MARCHF1: variants seen among roughly 807,000 people sequenced by gnomAD.
MARCHF1 encodes the protein membrane associated ring-CH-type finger 1, also known as E3 ubiquitin-protein ligase MARCHF1.
Under a neutral mutation model 54.2 loss-of-function variants are expected in MARCHF1, and 40 were observed. The observed-to-expected ratio is 0.74, with a 90% CI of 0.57 to 0.96. MARCHF1 has a LOEUF of 0.96. Among genes scored for constraint, MARCHF1 ranks in the 40% least tolerant of loss-of-function variants. MARCHF1 has a pLI of 0.00. For synonymous variants in MARCHF1, 236 were observed against 236.3 expected (o/e 1.00, Z 0.01); for missense variants, 586 against 656.5 (o/e 0.89, Z 1.17).
chr4:164,335,648 G>A (rs913371624), intron 1 of MARCHF1, among the ~76,000 whole-genome samples: 4 of 151,540 alleles, frequency 2.6e-5, no homozygotes, highest in South Asian at 2.1e-4. Flanking sequence ...CACCCTGATC[G>A]GTCAGCAGCC....
chr4:163,536,652 AG>A (rs1317606276), intron 9 of MARCHF1, among the ~76,000 whole-genome samples: 1 of 152,156 alleles, frequency 6.6e-6, no homozygotes, highest in African/African-American at 2.4e-5. Context: ...CTGTCAGTAA[AG>A]CTATGCTTTA....
chr4:163,635,320 GA>G (rs1469225477), intron 5 of MARCHF1, among the ~76,000 whole-genome samples: 2 of 148,926 alleles, frequency 1.3e-5, no homozygotes. Flanking sequence ...CTGGTTTTTT[GA>G]AAGGATCAAC....
chr4:164,189,676 A>G (rs111254957), intron 1 of MARCHF1: 12,387 of 961,966 alleles, frequency 0.013, 183 homozygotes, highest in East Asian at 0.055. Context: ...TGTCATGATC[A>G]AACTGATTCC....
At chr4:164,076,822 C>T (rs77535789) in intron 2 of MARCHF1, among the ~76,000 whole-genome samples, 3 of 152,162 alleles carry the variant, frequency 2.0e-5, no homozygotes, top group African/African-American at 7.2e-5. Flanking sequence ...ATACAACTTA[C>T]AGGGTATGTG....
At chr4:163,930,013 T>TTATATATAATA (rs1751636452) in intron 3 of MARCHF1, among the ~76,000 whole-genome samples, 3 of 135,276 alleles carry the variant, frequency 2.2e-5, no homozygotes, top group African/African-American at 5.5e-5. Flanking sequence ...TATAAATATA[T>TTATATATAATA]TATATATACT....
At chr4:163,757,808 TC>T (rs1746720575) in intron 4 of MARCHF1, among the ~76,000 whole-genome samples, 1 of 152,314 alleles carries the variant, frequency 6.6e-6, no homozygotes, top group South Asian at 2.1e-4. Context: ...CATTTTGGCT[TC>T]AAGACAAAAG....
Position 164,264,930 on chromosome 4 carries a change from A to C in MARCHF1, c.-323+118940T>G, listed in dbSNP as rs1733568122. Among the ~76,000 whole-genome samples the C allele has an allele frequency of 2.7e-5, 4 of 150,230 alleles. No individual in the cohort carries two copies. In the South Asian group the frequency reaches 8.4e-4, roughly 32 times the overall value. On this transcript the variant is annotated intron_variant, in intron 1 of 9. Transcript: ENST00000514618. ...AGCAAGACTCTGTCGAAAAAAAAAA[A>C]ACAAAAAAAACACCACCATCATTTT... is the stretch of plus-strand genomic sequence containing the variant.
At chr4:164,203,576 A>G in intron 1 of MARCHF1, among the ~76,000 whole-genome samples, 1 of 152,178 alleles carries the variant, frequency 6.6e-6, no homozygotes, top group East Asian at 1.9e-4. Context: ...CTCAAAGTCC[A>G]GCTGTTTCAA....
chr4:164,359,297 T>C (rs1730656217), intron 1 of MARCHF1, among the ~76,000 whole-genome samples: 1 of 152,224 alleles, frequency 6.6e-6, no homozygotes, highest in African/African-American at 2.4e-5. Context: ...GTTCTTTCTC[T>C]CGTTTGCCAC....
chr4:164,150,834 A>G (rs1009449662), intron 1 of MARCHF1, among the ~76,000 whole-genome samples: 1 of 152,218 alleles, frequency 6.6e-6, no homozygotes, highest in African/African-American at 2.4e-5. Context: ...TATGTTACAT[A>G]GCAAAGGAGA....
chr4:163,532,303 TTAAC>T (rs1400008947), intron 9 of MARCHF1, among the ~76,000 whole-genome samples: 1 of 151,866 alleles, frequency 6.6e-6, no homozygotes, highest in African/African-American at 2.4e-5. Context: ...AAACTGATCT[TTAAC>T]AAAGGAGCAA....
At chr4:164,132,788 C>T (rs1212171189) in intron 1 of MARCHF1, among the ~76,000 whole-genome samples, 1 of 151,920 alleles carries the variant, frequency 6.6e-6, no homozygotes, top group Admixed American at 6.6e-5. Context: ...TCTTCTTTCT[C>T]ATTTTCATAT....
chr4:163,612,229 C>G (rs1386534417), intron 7 of MARCHF1, 42 bp downstream of exon 7: 1 of 1,425,486 alleles, frequency 7.0e-7, no homozygotes, highest in African/African-American at 1.4e-5. Context: ...GCAAAAAGAA[C>G]TATATATGGA....
chr4:164,035,649 A>G (rs1375669619), intron 2 of MARCHF1, among the ~76,000 whole-genome samples: 1 of 148,134 alleles, frequency 6.8e-6, no homozygotes. Flanking sequence ...AAAAAAAATC[A>G]GAAACAAAAA....
chr4:164,083,889 T>C (rs908060292), intron 2 of MARCHF1, among the ~76,000 whole-genome samples: 1 of 152,120 alleles, frequency 6.6e-6, no homozygotes, highest in African/African-American at 2.4e-5. Context: ...TTGTAGTGCA[T>C]GTACTTCTTA....
intron 5 of MARCHF1, among the ~76,000 whole-genome samples, chr4:163,680,974 CTAA>C (rs1413772793): frequency 3.3e-5 from 5 of 149,660 alleles, no homozygotes; most frequent in South Asian, 2.1e-4. Flanking sequence ...TATTGAGTAC[CTAA>C]TAATATATGT....
intron 1 of MARCHF1, among the ~76,000 whole-genome samples, chr4:164,264,941 C>A (rs200602256): frequency 0.071 from 9,642 of 136,196 alleles, 441 homozygotes; most frequent in Middle Eastern, 0.15. Context: ...ACAAAAAAAA[C>A]ACCACCATCA....
chr4:164,166,350 C>T (rs1730381391), intron 1 of MARCHF1, among the ~76,000 whole-genome samples: 1 of 151,952 alleles, frequency 6.6e-6, no homozygotes, highest in Non-Finnish European at 1.5e-5. Context: ...AAAGGCTTTT[C>T]ATTATTTCTT....
intron 5 of MARCHF1, among the ~76,000 whole-genome samples, chr4:163,685,939 T>A (rs560078715): frequency 6.6e-6 from 1 of 152,342 alleles, no homozygotes; most frequent in East Asian, 1.9e-4. Context: ...TGGTTAAATA[T>A]GCAGGCTCTT....
Sources: gnomAD v4.1 joint callset for allele counts (sites outside exome capture counted in the v4.1 genomes callset) on GRCh38, gnomAD v4.1.1 for gene constraint, MANE v1.5 for transcripts, NCBI Gene and HGNC (gene_info 2026-07-23, HGNC 2026-07-21) for gene names.